Variants in MAP4 observed in about 807,000 individuals in gnomAD.
The protein encoded by MAP4 is microtubule associated protein 4, also known as microtubule-associated protein 4.
A neutral mutation model predicts 170.2 loss-of-function variants in MAP4; 76 were observed. That is an observed-to-expected ratio of 0.45 (90% CI 0.37 to 0.54). The LOEUF (loss-of-function observed/expected upper bound fraction) is 0.54, where lower values mean the gene tolerates loss of function less well. MAP4 is among the 20% of genes least tolerant of loss of function. The probability of loss-of-function intolerance (pLI) is 0.00; values close to 1 mark genes in which losing one functional copy is unlikely to be tolerated. For missense variants in MAP4, 2,506 were observed against 2,748.0 expected (o/e 0.91, Z 1.97); for synonymous variants, 909 against 994.5 (o/e 0.91, Z 1.62).
chr3:48,006,462 G>A (rs1424677575), intron 1 of MAP4, among the ~76,000 whole-genome samples: 6 of 152,090 alleles, frequency 3.9e-5, no homozygotes, highest in South Asian at 4.1e-4. Context: ...GACTTACAGT[G>A]GGCCCAGTGG....
intron 1 of MAP4, among the ~76,000 whole-genome samples, chr3:48,002,247 GA>G (rs1199555648): frequency 2.1e-5 from 3 of 144,928 alleles, no homozygotes; most frequent in African/African-American, 5.2e-5. Flanking sequence ...GTCTCAAAAA[GA>G]AAAAAAAAAG....
upstream of MAP4, among the ~76,000 whole-genome samples, chr3:48,019,757 G>T (rs2100109647): frequency 6.6e-6 from 1 of 152,064 alleles, no homozygotes; most frequent in African/African-American, 2.4e-5. Flanking sequence ...CACACCTGTG[G>T]TCCCAGCTCT....
At chr3:47,915,406 A>G (rs1311212561) in intron 7 of MAP4, among the ~76,000 whole-genome samples, 4 of 152,130 alleles carry the variant, frequency 2.6e-5, no homozygotes, top group African/African-American at 9.7e-5. Flanking sequence ...GTGAGCCACC[A>G]TGCCCGGTCA....
At chr3:47,918,299 T>C (rs2100040866) in intron 6 of MAP4, among the ~76,000 whole-genome samples, 1 of 152,126 alleles carries the variant, frequency 6.6e-6, no homozygotes, top group South Asian at 2.1e-4. Flanking sequence ...TTTGTATTTT[T>C]TGTAGAAATG....
intron 1 of MAP4, among the ~76,000 whole-genome samples, chr3:48,049,885 C>T (rs1333500211): frequency 1.3e-5 from 2 of 151,810 alleles, no homozygotes; most frequent in African/African-American, 4.8e-5. Context: ...TTGCAGTGAG[C>T]CGAGATCGCA....
chr3:47,973,683 T>C (rs902805840), intron 3 of MAP4: 1 of 985,242 alleles, frequency 1.0e-6, no homozygotes, highest in African/African-American at 1.7e-5. Context: ...CCCAGGCTTC[T>C]CCACCCATAA....
chr3:47,877,749 C>T (rs779969309), intron 10 of MAP4: 16 of 357,324 alleles, frequency 4.5e-5, no homozygotes, highest in Admixed American at 1.3e-4. Context: ...GAGAAGCAGT[C>T]TAAGGGACAC....
At chr3:47,993,176 C>A (rs147070882) in intron 2 of MAP4, among the ~76,000 whole-genome samples, 18 of 152,176 alleles carry the variant, frequency 1.2e-4, no homozygotes, top group African/African-American at 4.3e-4. Flanking sequence ...TTTAAGACAT[C>A]AGCCAGATGC....
intron 2 of MAP4, among the ~76,000 whole-genome samples, chr3:47,992,160 A>G (rs1287799193): frequency 1.3e-5 from 2 of 152,194 alleles, no homozygotes; most frequent in Non-Finnish European, 2.9e-5. Context: ...GAAAAACACA[A>G]ATATGAAACC....
chr3:47,981,854 C>T (rs1407055558), intron 2 of MAP4, among the ~76,000 whole-genome samples: 2 of 151,950 alleles, frequency 1.3e-5, no homozygotes. Context: ...GGAAAAATTG[C>T]CAATCCTATT....
intron 3 of MAP4, among the ~76,000 whole-genome samples, chr3:47,930,438 C>T (rs1480785354): frequency 6.9e-6 from 1 of 145,074 alleles, no homozygotes; most frequent in Non-Finnish European, 1.5e-5. Flanking sequence ...GGCGACAGAG[C>T]GAGACTCCGT....
At chr3:48,050,789 C>T (rs1437929461) in intron 1 of MAP4, among the ~76,000 whole-genome samples, 1 of 151,586 alleles carries the variant, frequency 6.6e-6, no homozygotes, top group Non-Finnish European at 1.5e-5. Context: ...CCTGTAATCC[C>T]AGCTACTCGG....
intron 1 of MAP4, among the ~76,000 whole-genome samples, chr3:48,000,910 T>G (rs1559768604): frequency 6.6e-6 from 1 of 152,232 alleles, no homozygotes; most frequent in Non-Finnish European, 1.5e-5. Context: ...TCTTCCTTCC[T>G]TCTTATTTTA....
In MAP4 at chr3:47,988,852, G is replaced by A. The variant is rs566691512; in HGVS notation, c.223+9786C>T. Among the ~76,000 whole-genome samples the A allele has an allele frequency of 4.6e-5, 7 of 151,896 alleles. No individual in the cohort carries two copies. The East Asian group carries it at 7.7e-4, about 17-fold the overall frequency. ...TTTTTTGAGACGGAGTCTCGCTGTC[G>A]CCCAGGCTTGAATGCAGTGGCACGA... On this transcript the variant is annotated intron_variant, in intron 2 of 20. Coordinates refer to ENST00000683076, the MANE Select transcript of MAP4 (RefSeq NM_001385682.1).
At chr3:47,915,275 C>T (rs2100038142) in intron 7 of MAP4, among the ~76,000 whole-genome samples, 1 of 152,028 alleles carries the variant, frequency 6.6e-6, no homozygotes, top group African/African-American at 2.4e-5. Flanking sequence ...CGCCACCATG[C>T]CCGGCTAATT....
At position 47,871,036 on chromosome 3, in the gene MAP4, G is replaced by T. The variant is rs1042414808; in HGVS notation, c.6071C>A (p.Ala2024Asp). The T allele has an allele frequency of 2.5e-6, 4 of 1,613,940 alleles. No individual in the cohort carries two copies. Among genetic ancestry groups the T allele is most frequent in the Non-Finnish European group, 3.4e-6 (4 of 1,179,842 alleles). Reference sequence around the variant, plus strand: ...GCTGGGAACCACCCCTGCAGCGGGGGCTGTCCCACTGAGAGTGGTGGTTTT... The same window carrying T: ...GCTGGGAACCACCCCTGCAGCGGGGTCTGTCCCACTGAGAGTGGTGGTTTT... ...MKKTTTLSGTAPAAGVVPSRV... is the reference protein window; with the variant it reads ...MKKTTTLSGTDPAAGVVPSRV... The change falls in exon 15 of 21, where the codon GCC (alanine) becomes GAC (aspartate). Residue 2024 changes from alanine to aspartate, a missense_variant. Coordinates refer to ENST00000683076, the MANE Select transcript of MAP4 (RefSeq NM_001385682.1).
At chr3:47,862,955 A>G (rs1179871224) in intron 17 of MAP4, among the ~76,000 whole-genome samples, 1 of 151,358 alleles carries the variant, frequency 6.6e-6, no homozygotes, top group African/African-American at 2.4e-5. Context: ...AATTCCCACA[A>G]TAAAAAGTTG....
At chr3:47,983,512 G>C (rs891817338) in intron 2 of MAP4, among the ~76,000 whole-genome samples, 2 of 151,958 alleles carry the variant, frequency 1.3e-5, no homozygotes, top group African/African-American at 4.8e-5. Flanking sequence ...TCAGCCTCCT[G>C]AGTAGCTGGG....
intron 1 of MAP4, among the ~76,000 whole-genome samples, chr3:48,040,115 A>G (rs1366267544): frequency 6.6e-6 from 1 of 152,142 alleles, no homozygotes; most frequent in Non-Finnish European, 1.5e-5. Context: ...AACAATCACT[A>G]ACAGCTCAAA....
Sources: allele counts gnomAD v4.1 joint callset (sites outside exome capture counted in the v4.1 genomes callset), GRCh38; gene constraint gnomAD v4.1.1; transcripts MANE v1.5; gene names NCBI Gene and HGNC (gene_info 2026-07-23, HGNC 2026-07-21).